The following TRAPPC3L variants were observed in gnomAD, a reference collection of about 807,000 sequenced individuals.
TRAPPC3L encodes the protein trafficking protein particle complex subunit 3L, also known as trafficking protein particle complex subunit 3-like protein.
TRAPPC3L carries 23 observed loss-of-function variants against 23.7 expected under a neutral mutation model. That is an observed-to-expected ratio of 0.97 (90% CI 0.70 to 1.37). The LOEUF (loss-of-function observed/expected upper bound fraction) is 1.37. Ranked by LOEUF, TRAPPC3L falls within the 40% of genes most tolerant of loss-of-function variation. TRAPPC3L has a pLI of 0.00. For synonymous variants in TRAPPC3L, 81 were observed against 77.9 expected (o/e 1.04, Z -0.21); for missense variants, 212 against 216.8 (o/e 0.98, Z 0.14).
intron 3 of TRAPPC3L, among the ~76,000 whole-genome samples, chr6:116,510,286 T>C (rs942445678): frequency 2.0e-5 from 3 of 152,130 alleles, no homozygotes; most frequent in Non-Finnish European, 2.9e-5. Context: ...TCTTTCCTTC[T>C]ATGTATTTAT....
intron 3 of TRAPPC3L, among the ~76,000 whole-genome samples, chr6:116,529,677 G>A (rs937805219): frequency 2.0e-5 from 3 of 152,198 alleles, no homozygotes; most frequent in Admixed American, 2.0e-4. Context: ...GCAATGATGT[G>A]CCTTCCACCC....
At chr6:116,530,712 CTTTA>C (rs542183385) in intron 3 of TRAPPC3L, among the ~76,000 whole-genome samples, 121 of 151,926 alleles carry the variant, frequency 8.0e-4, no homozygotes, top group Middle Eastern at 3.4e-3. Context: ...TGTTTGCTTT[CTTTA>C]TTATTATCTG....
intron 4 of TRAPPC3L, among the ~76,000 whole-genome samples, chr6:116,497,596 A>G (rs1292460537): frequency 6.6e-6 from 1 of 152,208 alleles, no homozygotes; most frequent in Non-Finnish European, 1.5e-5. Context: ...TAGATATAAA[A>G]TTAAAGATTG....
At chr6:116,539,181 T>C (rs1392956567) in intron 3 of TRAPPC3L, among the ~76,000 whole-genome samples, 1 of 152,250 alleles carries the variant, frequency 6.6e-6, no homozygotes, top group Non-Finnish European at 1.5e-5. Context: ...GCTGGTATTC[T>C]TGTAGTATTG....
At chr6:116,507,341 G>A (rs953596619) in intron 3 of TRAPPC3L, among the ~76,000 whole-genome samples, 62 of 152,156 alleles carry the variant, frequency 4.1e-4, no homozygotes, top group Non-Finnish European at 1.0e-4. Flanking sequence ...TTTGGGAAGT[G>A]AAGGGAAAAA....
intron 3 of TRAPPC3L, among the ~76,000 whole-genome samples, chr6:116,527,509 C>A (rs1417519065): frequency 2.6e-5 from 3 of 117,560 alleles, no homozygotes; most frequent in Non-Finnish European, 3.4e-5. Flanking sequence ...AGCGAGACTC[C>A]GTCTCAAAAC....
chr6:116,514,421 T>C (rs1468705462), intron 3 of TRAPPC3L, among the ~76,000 whole-genome samples: 1 of 152,178 alleles, frequency 6.6e-6, no homozygotes, highest in Non-Finnish European at 1.5e-5. Context: ...TACAGAAAGA[T>C]ATTATGAGTT....
intron 3 of TRAPPC3L, chr6:116,511,598 CTG>C (rs748887259): frequency 4.0e-5 from 42 of 1,056,770 alleles, no homozygotes; most frequent in Non-Finnish European, 5.2e-5. Flanking sequence ...CTGAGAAGGA[CTG>C]TTGTTTCTGA....
At chr6:116,537,472 T>A (rs1773171938) in intron 3 of TRAPPC3L, among the ~76,000 whole-genome samples, 1 of 152,196 alleles carries the variant, frequency 6.6e-6, no homozygotes, top group Non-Finnish European at 1.5e-5. Context: ...TGGGGAACAT[T>A]CTGGGTTTTT....
intron 3 of TRAPPC3L, chr6:116,520,791 A>G (rs1359871248): frequency 6.6e-6 from 1 of 152,294 alleles, no homozygotes; most frequent in African/African-American, 2.4e-5. Flanking sequence ...CAAACAGTAG[A>G]GTATGATAAA....
intron 3 of TRAPPC3L, chr6:116,523,913 G>A (rs993901254): frequency 2.0e-5 from 3 of 152,168 alleles, no homozygotes; most frequent in African/African-American, 7.2e-5. Flanking sequence ...GGAGATATAA[G>A]TGACTTAATA....
chr6:116,543,491 C>T, intron 1 of TRAPPC3L, 91 bp from the exon 2 acceptor site: 1 of 1,056,000 alleles, frequency 9.5e-7, no homozygotes, highest in African/African-American at 1.6e-5. Context: ...TTTGAAGTAG[C>T]CTTAGAAGTC....
At chr6:116,502,662 C>A (rs1771937209) in intron 3 of TRAPPC3L, among the ~76,000 whole-genome samples, 1 of 152,208 alleles carries the variant, frequency 6.6e-6, no homozygotes, top group Non-Finnish European at 1.5e-5. Flanking sequence ...GCCCATCAGA[C>A]TAACAGCAGA....
At chr6:116,501,046 G>A (rs1473201299) in intron 3 of TRAPPC3L, among the ~76,000 whole-genome samples, 4 of 152,154 alleles carry the variant, frequency 2.6e-5, no homozygotes, top group Admixed American at 6.5e-5. Flanking sequence ...ATCGCCTCAT[G>A]TGGGAAGTGC....
rs1205436615 is a variant in TRAPPC3L at position 116,500,473 on chromosome 6, A to G, written c.426+8T>C. 3 of 1,542,684 alleles carry G rather than the reference A, an allele frequency of 1.9e-6. No homozygotes were observed. In the South Asian group the frequency reaches 3.6e-5, roughly 19 times the overall value. ...TTCTTCATTCATTCTTCACTTATTC[A>G]ACTTTACCATTTCCAAGGCACCTCT... is the stretch of plus-strand genomic sequence containing the variant. On this transcript the variant is annotated splice_region_variant and intron_variant, in intron 4 of 4. Coordinates refer to ENST00000368602, the MANE Select transcript of TRAPPC3L (RefSeq NM_001139444.3).
At position 116,500,586 on chromosome 6, in the gene TRAPPC3L, T is replaced by C. The variant is rs1251562958; in HGVS notation, c.321A>G (p.Leu107=). 2 of 1,551,640 alleles carry C rather than the reference T, an allele frequency of 1.3e-6. No individual in the cohort carries two copies. The highest frequency in any genetic ancestry group is 2.4e-5 in the East Asian group (1 of 40,916). ...NSSKNEFSLI[L]EKNPLVEFVE... is the part of the protein sequence containing the mutation. Reference sequence around the variant, plus strand: ...CAAACTCCACCAGGGGATTCTTCTCTAGAATCAGGGAAAATTCATTTTTGC... The same window carrying C: ...CAAACTCCACCAGGGGATTCTTCTCCAGAATCAGGGAAAATTCATTTTTGC... Residue 107 remains leucine, a synonymous_variant, in exon 4 of 5, where the codon CTA becomes CTG. Coordinates refer to ENST00000368602, the MANE Select transcript of TRAPPC3L (RefSeq NM_001139444.3).
chr6:116,541,703 A>G (rs1158415112), intron 2 of TRAPPC3L, among the ~76,000 whole-genome samples: 1 of 152,218 alleles, frequency 6.6e-6, no homozygotes, highest in African/African-American at 2.4e-5. Flanking sequence ...ACTTTACAGA[A>G]ATAGTTGTAT....
At chr6:116,529,943 A>G (rs1411674222) in intron 3 of TRAPPC3L, among the ~76,000 whole-genome samples, 1 of 152,226 alleles carries the variant, frequency 6.6e-6, no homozygotes, top group East Asian at 1.9e-4. Context: ...TGAGTTTTAC[A>G]TATTCATCCT....
intron 3 of TRAPPC3L, chr6:116,521,895 T>C (rs958468421): frequency 2.0e-5 from 3 of 152,190 alleles, no homozygotes; most frequent in Non-Finnish European, 4.4e-5. Flanking sequence ...TCACAGTTTA[T>C]GCCTTGGTCT....
Sources: gnomAD v4.1 joint callset for allele counts (sites outside exome capture counted in the v4.1 genomes callset) on GRCh38, gnomAD v4.1.1 for gene constraint, MANE v1.5 for transcripts, NCBI Gene and HGNC (gene_info 2026-07-23, HGNC 2026-07-21) for gene names.